Variants in KYNU observed in about 807,000 individuals in gnomAD.
KYNU encodes the protein kynureninase.
KYNU carries 54 observed loss-of-function variants against 59.2 expected under a neutral mutation model. The observed-to-expected ratio is 0.91, with a 90% confidence interval of 0.73 to 1.14. The LOEUF is 1.14. Among genes scored for constraint, KYNU ranks in the 50% most tolerant of loss-of-function variants. KYNU has a pLI of 0.00. For synonymous variants in KYNU, 177 were observed against 192.0 expected, an observed-to-expected ratio of 0.92 and a Z score of 0.65; for missense variants, 567 against 554.4, an observed-to-expected ratio of 1.02 and a Z score of -0.23.
intron 2 of KYNU, among the ~76,000 whole-genome samples, chr2:142,898,322 T>G (rs1021676495): frequency 4.6e-5 from 7 of 151,948 alleles, no homozygotes; most frequent in Non-Finnish European, 7.4e-5. Context: ...CTGCAGCCAA[T>G]CCCAGGACTT....
At chr2:143,010,109 G>A (rs1686045348) in intron 10 of KYNU, among the ~76,000 whole-genome samples, 1 of 143,486 alleles carries the variant, frequency 7.0e-6, no homozygotes, top group African/African-American at 2.7e-5. Flanking sequence ...TAGGAAAAGA[G>A]GAAGTCAAAT....
At chr2:142,883,704 G>A (rs1681389072) in intron 1 of KYNU, among the ~76,000 whole-genome samples, 1 of 152,228 alleles carries the variant, frequency 6.6e-6, no homozygotes, top group Non-Finnish European at 1.5e-5. Flanking sequence ...TTCTCAGAAG[G>A]ATGAACATGA....
chr2:142,945,095 A>T (rs763656202), intron 4 of KYNU, among the ~76,000 whole-genome samples: 1 of 152,204 alleles, frequency 6.6e-6, no homozygotes, highest in Non-Finnish European at 1.5e-5. Flanking sequence ...ACCAATTGGG[A>T]TGGTGTTACC....
chr2:143,030,555 G>C (rs765791813), intron 11 of KYNU, among the ~76,000 whole-genome samples: 2 of 152,038 alleles, frequency 1.3e-5, no homozygotes, highest in Non-Finnish European at 2.9e-5. Flanking sequence ...GCTCAGTTCA[G>C]CCTTGATATT....
At position 143,054,101 on chromosome 2, in the gene KYNU, T is replaced by A. The variant is rs1408863778; in HGVS notation, c.*11929T>A. ...GTAGAAATAACACTGGTTTTTTCCC[T>A]ATGTCCTTACAACCACCAATTGGAT... On this transcript the variant is annotated 3_prime_UTR_variant, in exon 14 of 14. Coordinates refer to ENST00000264170, the MANE Select transcript of KYNU (RefSeq NM_003937.3). 1.3e-5 allele frequency: 2 copies of A among 152,232 alleles called. No homozygotes were observed. Among genetic ancestry groups the A allele is most frequent in the South Asian group, 2.1e-4 (1 of 4,834 alleles). 9.4% of individuals were successfully genotyped at this position (152,232 alleles called of 1,614,324 possible). A position where few individuals can be genotyped will look rare whatever the true frequency, so the allele number is the denominator to read the frequency against.
chr2:142,920,116 T>C (rs778450430), intron 3 of KYNU, among the ~76,000 whole-genome samples: 3 of 152,188 alleles, frequency 2.0e-5, no homozygotes, highest in Non-Finnish European at 4.4e-5. Flanking sequence ...ATTACAACTA[T>C]GGCTATTAGA....
chr2:143,002,817 A>T (rs1291868600), intron 10 of KYNU, among the ~76,000 whole-genome samples: 2 of 152,246 alleles, frequency 1.3e-5, no homozygotes, highest in Admixed American at 1.3e-4. Flanking sequence ...CACAGAAAAC[A>T]TTATGTGCAT....
intron 2 of KYNU, among the ~76,000 whole-genome samples, chr2:142,893,069 A>T (rs1383482786): frequency 6.6e-6 from 1 of 152,256 alleles, no homozygotes; most frequent in African/African-American, 2.4e-5. Context: ...TGGTGGCCAC[A>T]TGCAAAGCTA....
intron 10 of KYNU, among the ~76,000 whole-genome samples, chr2:143,012,550 A>G (rs1573899778): frequency 6.6e-6 from 1 of 151,596 alleles, no homozygotes; most frequent in Admixed American, 6.6e-5. Flanking sequence ...CCCATGTGTC[A>G]TTTCCCATAA....
chr2:142,884,936 A>G (rs1216610820), intron 1 of KYNU, among the ~76,000 whole-genome samples: 1 of 147,166 alleles, frequency 6.8e-6, no homozygotes, highest in Non-Finnish European at 1.5e-5. Flanking sequence ...AGTTTTTCTC[A>G]TATATGAAAA....
At chr2:142,990,447 T>G (rs757091978) in intron 10 of KYNU, among the ~76,000 whole-genome samples, 53 of 151,890 alleles carry the variant, frequency 3.5e-4, no homozygotes, top group Non-Finnish European at 5.9e-4. Flanking sequence ...GTGAATCCTT[T>G]AAAAGGATTC....
At position 143,042,373 on chromosome 2, in the gene KYNU, G is replaced by T; in HGVS notation, c.*201G>T. ...GTCCACAGGGCTGCCTAGGTGCTTT[G>T]TGTTTGGGGGACCAAAACTGTGTTG... On this transcript the variant is annotated 3_prime_UTR_variant, in exon 14 of 14. Transcript: ENST00000264170. The T allele has an allele frequency of 1.9e-6, 1 of 520,082 alleles. No homozygotes were observed. The highest frequency in any genetic ancestry group is 3.4e-6 in the Non-Finnish European group (1 of 295,476). The allele number at this position is 520,082 out of a possible 1,614,324, so 32.2% of individuals were successfully genotyped here.
At chr2:142,986,097 G>A (rs1282263308) in intron 10 of KYNU, 76 bp downstream of exon 10, 1 of 1,004,046 alleles carries the variant, frequency 1.0e-6, no homozygotes, top group Non-Finnish European at 1.6e-6. Context: ...ATTTACATGA[G>A]TTCCTTAAGA....
chr2:142,947,432 C>T, intron 4 of KYNU: 1 of 494,344 alleles, frequency 2.0e-6, no homozygotes, highest in Non-Finnish European at 3.5e-6. Flanking sequence ...CAGCGCTTCC[C>T]TGGATATTGC....
chr2:142,954,760 A>T, intron 4 of KYNU, 50 bp from the exon 5 acceptor site: 1 of 1,232,218 alleles, frequency 8.1e-7, no homozygotes, highest in Admixed American at 1.7e-5. Flanking sequence ...TTTTTTCAGT[A>T]TCTTTAGACA....
rs376382107 is a variant in KYNU, at chr2:143,045,137, G to A, written c.*2965G>A. ...TTGTCAGGTTTATCAAAGATCAGAT[G>A]GTTGTAAATGTGTGGTGTTATTTCT... On this transcript the variant is annotated 3_prime_UTR_variant, in exon 14 of 14. Coordinates refer to ENST00000264170, the MANE Select transcript of KYNU (RefSeq NM_003937.3). The A allele has an allele frequency of 3.5e-4, 54 of 152,132 alleles. 1 individual carries two copies. The highest frequency in any genetic ancestry group is 1.3e-3 in the African/African-American group (52 of 41,520). The allele number at this position is 152,132 out of a possible 1,614,324, so 9.4% of individuals were successfully genotyped here.
At chr2:142,945,961 C>G (rs1259166529) in intron 4 of KYNU, among the ~76,000 whole-genome samples, 1 of 152,086 alleles carries the variant, frequency 6.6e-6, no homozygotes, top group Non-Finnish European at 1.5e-5. Flanking sequence ...TGGTCCCGAA[C>G]TCCTGACCTT....
At chr2:143,014,655 A>G (rs1686202346) in intron 10 of KYNU, among the ~76,000 whole-genome samples, 1 of 152,244 alleles carries the variant, frequency 6.6e-6, no homozygotes, top group Non-Finnish European at 1.5e-5. Flanking sequence ...TCCTGAAGCA[A>G]TAAAATGTAT....
chr2:142,905,326 C>T (rs535798845), intron 2 of KYNU, among the ~76,000 whole-genome samples: 12 of 152,266 alleles, frequency 7.9e-5, no homozygotes, highest in Admixed American at 3.3e-4. Context: ...ACAGCTCACA[C>T]GTTTGACAGA....
Sources: allele counts gnomAD v4.1 joint callset (sites outside exome capture counted in the v4.1 genomes callset), GRCh38; gene constraint gnomAD v4.1.1; transcripts MANE v1.5; gene names NCBI Gene and HGNC (gene_info 2026-07-23, HGNC 2026-07-21).